The following ACY3 variants were observed in gnomAD, a reference collection of about 807,000 sequenced individuals.
The protein encoded by ACY3 is aminoacylase 3.
ACY3 carries 20 observed loss-of-function variants against 24.6 expected under a neutral mutation model. The ratio of observed to expected loss-of-function variants is 0.81; its 90% CI spans 0.57 to 1.18. The LOEUF is 1.18. Ranked by LOEUF, ACY3 falls within the 50% of genes most tolerant of loss-of-function variation. The pLI is 0.00. For missense variants in ACY3, 423 were observed against 426.8 expected (o/e 0.99, Z 0.08); for synonymous variants, 174 against 188.4 (o/e 0.92, Z 0.62).
rs945747716 is a variant in ACY3, at chr11:67,645,114, C to T, written c.565G>A (p.Ala189Thr). The T allele has an allele frequency of 1.2e-6, 2 of 1,613,600 alleles. No homozygotes were observed. The highest frequency in any genetic ancestry group is 1.7e-6 in the Non-Finnish European group (2 of 1,179,900). ...GTCCTCATCCTTGAGAAAATGTCAG[C>T]CCGCAGCACACCCTGTGGCTGGGGG... ...LGPQPQGVLR[A>T]DIFSRMRTLV... is the part of the protein sequence containing the mutation. Residue 189 changes from alanine (A) to threonine (T), a missense_variant, in exon 6 of 8, where the codon GCT becomes ACT. Ala to Thr is a moderately conservative substitution (Grantham distance 58). Coordinates refer to ENST00000255082, the MANE Select transcript of ACY3 (RefSeq NM_080658.2).
rs1855428766 is a variant in ACY3 at position 67,642,702 on chromosome 11, G to A, written c.*22C>T. ...CCCATCGTTCAGATGGGAAGACTGA[G>A]GTTGGGGAGGTGTGTCTTGGGTTAG... On this transcript the variant is annotated 3_prime_UTR_variant, in exon 8 of 8. Coordinates refer to ENST00000255082, the MANE Select transcript of ACY3 (RefSeq NM_080658.2). 6.2e-7 allele frequency: 1 copy of A among 1,612,322 alleles called. No individual in the cohort carries two copies. The highest frequency in any genetic ancestry group is 1.7e-5 in the Admixed American group (1 of 60,012).
Position 67,642,631 on chromosome 11 carries a change from G to A in ACY3, c.*93C>T. 2 of 1,331,306 alleles carry A rather than the reference G, an allele frequency of 1.5e-6. No homozygotes were observed. The highest frequency in any genetic ancestry group is 2.2e-6 in the Non-Finnish European group (2 of 925,996). The allele number at this position is 1,331,306 out of a possible 1,614,324, so 82.5% of individuals were successfully genotyped here. On this transcript the variant is annotated 3_prime_UTR_variant, in exon 8 of 8. Transcript: ENST00000255082. ...AGGCCTGGCAAGGAACATGGTGCATGGTAGGTGGCAGAAGGGACCTCTGTG... is the reference window on the plus strand; with the variant it reads ...AGGCCTGGCAAGGAACATGGTGCATAGTAGGTGGCAGAAGGGACCTCTGTG...
Position 67,642,780 on chromosome 11 carries a change from T to C in ACY3, c.904A>G (p.Thr302Ala), listed in dbSNP as rs774128346. The C allele has an allele frequency of 1.2e-6, 2 of 1,614,132 alleles. No individual in the cohort carries two copies. The highest frequency in any genetic ancestry group is 3.3e-5 in the Admixed American group (2 of 60,016). Residue 302 changes from threonine (T) to alanine (A), a missense_variant, in exon 8 of 8, where the codon ACA becomes GCA. Transcript: ENST00000255082. ...GVAFVQTEKFTFTVPAMPALT... is the reference protein window; with the variant it reads ...GVAFVQTEKFAFTVPAMPALT... The stretch of plus-strand genomic sequence containing the variant: ...GCGGGCATGGCAGGCACGGTGAATG[T>C]GAACTTCTCAGTCTGGACAAAGGCA...
chr11:67,649,661 T>C (rs1421474964), intron 1 of ACY3, among the ~76,000 whole-genome samples: 2 of 147,012 alleles, frequency 1.4e-5, no homozygotes, highest in African/African-American at 5.2e-5. Flanking sequence ...TGTGTACATG[T>C]GTGTGCATGT....
In ACY3 at chr11:67,644,799, C is replaced by T. The variant is rs761125825; in HGVS notation, c.705G>A (p.Glu235=). 3 of 1,566,472 alleles carry T rather than the reference C, an allele frequency of 1.9e-6. No homozygotes were observed. The highest frequency in any genetic ancestry group is 2.3e-5 in the South Asian group (2 of 86,006). ...GCACAGTGCCTGCCAGGTGCCCGGC[C>T]TCGGTGCGGGGGAAGTCCACGACGC... ...PVGVVDFPRT[E]AGHLAGTVHP... is the part of the protein sequence containing the mutation. Residue 235 remains glutamate (E), a synonymous_variant, in exon 7 of 8, where the codon GAG becomes GAA. Transcript: ENST00000255082.
Position 67,646,776 on chromosome 11 carries a change from G to A in ACY3, c.236+32C>T, listed in dbSNP as rs779948415. The A allele has an allele frequency of 1.9e-5, 30 of 1,601,000 alleles. No individual in the cohort carries two copies. The Admixed American group carries it at 3.9e-4, about 21-fold the overall frequency. ...TGTGGTGGGGACTCGGTGCCCAACT[G>A]CCTGGGCCAACCTGGCGGCAAAAGC... On this transcript the variant is annotated intron_variant, in intron 3 of 7. Coordinates refer to ENST00000255082, the MANE Select transcript of ACY3 (RefSeq NM_080658.2).
chr11:67,648,621 G>T (rs978391066), intron 1 of ACY3, among the ~76,000 whole-genome samples: 68 of 152,102 alleles, frequency 4.5e-4, no homozygotes, highest in Non-Finnish European at 1.9e-4. Flanking sequence ...ACCACACTGG[G>T]TCTCCCCGGG....
Position 67,645,357 on chromosome 11 carries a change from G to T in ACY3, c.456C>A (p.Cys152Ter). The stretch of plus-strand genomic sequence containing the variant: ...CAGACCGCTGGTACAGGAAGACCTG[G>T]CAGGACAGCTCGGGGTACTGCAGCT... ...HLQLQYPELSCQVFLYQRSGE... is the reference protein window; with the variant it reads ...HLQLQYPELS Residue 152 changes from cysteine (C) to a stop codon, truncating the protein, a stop_gained, in exon 5 of 8, where the codon TGC becomes TGA. Transcript: ENST00000255082. LOFTEE classifies it high-confidence loss of function. The T allele has an allele frequency of 1.9e-6, 3 of 1,613,650 alleles. No homozygotes were observed. Among genetic ancestry groups the T allele is most frequent in the Non-Finnish European group, 1.7e-6 (2 of 1,179,992 alleles).
chr11:67,645,684 G>A lies in ACY3; in HGVS notation c.432+8C>T, dbSNP rs776481825. 49 of 1,590,166 alleles carry A rather than the reference G, an allele frequency of 3.1e-5. No individual in the cohort carries two copies. Among genetic ancestry groups the A allele is most frequent in the Non-Finnish European group, 3.7e-5 (43 of 1,168,140 alleles). On this transcript the variant is annotated splice_region_variant and intron_variant, in intron 4 of 7. Transcript: ENST00000255082. ...TCTGGGGAGCTGTGTGCTTGGGGCC[G>A]GGGCCACCTGCAGATGGCGGCACAG... is the stretch of plus-strand genomic sequence containing the variant.
At position 67,645,753 on chromosome 11, in the gene ACY3, G is replaced by A. The variant is rs528740659; in HGVS notation, c.371C>T (p.Thr124Ile). ...DLHNTTANMG[T>I]CLIAKSSHEV... ...GTGGGAGGACTTCGCGATTAAGCAG[G>A]TGCCCATGTTGGCCGTGGTGTTGTG... is the stretch of plus-strand genomic sequence containing the variant. The change falls in exon 4 of 8, where the codon ACC becomes ATC. Residue 124 changes from threonine to isoleucine, a missense_variant. Coordinates refer to ENST00000255082, the MANE Select transcript of ACY3 (RefSeq NM_080658.2). 1.0e-4 allele frequency: 168 copies of A among 1,613,810 alleles called. No individual in the cohort carries two copies. The South Asian group carries it at 1.6e-3, about 15-fold the overall frequency.
Position 67,642,758 on chromosome 11 carries a change from G to T in ACY3, c.926C>A (p.Pro309His). 6.2e-7 allele frequency: 1 copy of T among 1,614,166 alleles called. No individual in the cohort carries two copies. Among genetic ancestry groups the T allele is most frequent in the South Asian group, 1.1e-5 (1 of 91,084 alleles). Residue 309 changes from proline to histidine, a missense_variant, in exon 8 of 8, where the codon CCC becomes CAC. Pro to His is a moderately conservative substitution (Grantham distance 77). Transcript: ENST00000255082. Reference sequence around the variant, plus strand: ...TGGGCTCGGGGCAGGGGTCAGCGCGGGCATGGCAGGCACGGTGAATGTGAA... The same window carrying T: ...TGGGCTCGGGGCAGGGGTCAGCGCGTGCATGGCAGGCACGGTGAATGTGAA... ...EKFTFTVPAM[P>H]ALTPAPSPAS is the part of the protein sequence containing the mutation.
At chr11:67,645,007 C>T (rs778810503) in intron 6 of ACY3, 38 bp downstream of exon 6, 12 of 1,607,646 alleles carry the variant, frequency 7.5e-6, no homozygotes, top group Non-Finnish European at 1.0e-5. Flanking sequence ...ACCTGCTCTT[C>T]CCCGGACCTG....
intron 6 of ACY3, 63 bp from the exon 7 acceptor site, chr11:67,644,932 G>T (rs553367297): frequency 1.9e-6 from 3 of 1,587,264 alleles, no homozygotes; most frequent in East Asian, 2.2e-5. Context: ...AGACTGGGCC[G>T]TGGGGGTACG....
chr11:67,646,089 C>G (rs1264036179), intron 3 of ACY3, among the ~76,000 whole-genome samples: 1 of 152,224 alleles, frequency 6.6e-6, no homozygotes, highest in African/African-American at 2.4e-5. Context: ...AGCTCTCAGC[C>G]TGGCCCGCCC....
intron 4 of ACY3, 122 bp from the exon 5 acceptor site, chr11:67,645,502 T>TGCCAGAGGGTAGAGGGAGAC: frequency 8.0e-7 from 1 of 1,255,442 alleles, no homozygotes; most frequent in Non-Finnish European, 1.1e-6. Context: ...CCCTCTACCC[T>TGCCAGAGGGTAGAGGGAGAC]CTGGCAGGGT....
In ACY3 at chr11:67,644,806, C is replaced by A; in HGVS notation, c.698G>T (p.Arg233Leu). The A allele has an allele frequency of 6.4e-7, 1 of 1,570,100 alleles. No homozygotes were observed. The highest frequency in any genetic ancestry group is 8.6e-7 in the Non-Finnish European group (1 of 1,157,866). ...GCCTGCCAGGTGCCCGGCCTCGGTG[C>A]GGGGGAAGTCCACGACGCCCACGGG... ...YRPVGVVDFPRTEAGHLAGTV... is the reference protein window; with the variant it reads ...YRPVGVVDFPLTEAGHLAGTV... Residue 233 changes from arginine to leucine, a missense_variant, in exon 7 of 8, where the codon CGC becomes CTC. By Grantham distance (102) the Arg-to-Leu change is moderately radical. Coordinates refer to ENST00000255082, the MANE Select transcript of ACY3 (RefSeq NM_080658.2).
Position 67,642,700 on chromosome 11 carries a change from G to A in ACY3, c.*24C>T. 1.2e-6 allele frequency: 2 copies of A among 1,612,184 alleles called. No homozygotes were observed. The highest frequency in any genetic ancestry group is 1.3e-5 in the African/African-American group (1 of 75,010). On this transcript the variant is annotated 3_prime_UTR_variant, in exon 8 of 8. Transcript: ENST00000255082. The stretch of plus-strand genomic sequence containing the variant: ...GACCCATCGTTCAGATGGGAAGACT[G>A]AGGTTGGGGAGGTGTGTCTTGGGTT...
chr11:67,642,736 G>A lies in ACY3; in HGVS notation c.948C>T (p.Ser316=). The A allele has an allele frequency of 6.2e-7, 1 of 1,614,104 alleles. No individual in the cohort carries two copies. Among genetic ancestry groups the A allele is most frequent in the Non-Finnish European group, 8.5e-7 (1 of 1,180,020 alleles). ...PAMPALTPAP[S]PAS ...GGTGTGTCTTGGGTTAGGAAGCTGG[G>A]CTCGGGGCAGGGGTCAGCGCGGGCA... The change falls in exon 8 of 8, where the codon AGC becomes AGT. Residue 316 remains serine, a synonymous_variant. Coordinates refer to ENST00000255082, the MANE Select transcript of ACY3 (RefSeq NM_080658.2).
chr11:67,643,779 G>C (rs771380809), intron 7 of ACY3, among the ~76,000 whole-genome samples: 2 of 151,896 alleles, frequency 1.3e-5, no homozygotes, highest in Non-Finnish European at 2.9e-5. Flanking sequence ...CAGATCACTT[G>C]AGGTCAGGAG....
Sources: allele counts gnomAD v4.1 joint callset (sites outside exome capture counted in the v4.1 genomes callset), GRCh38; gene constraint gnomAD v4.1.1; transcripts MANE v1.5; gene names NCBI Gene and HGNC (gene_info 2026-07-23, HGNC 2026-07-21).